EBF3: variants seen among roughly 807,000 people sequenced by gnomAD.
EBF3 encodes the protein transcription factor COE3.
In EBF3, 18 loss-of-function variants were observed where a neutral mutation model predicts 77.1. The observed-to-expected ratio is 0.23, with a 90% CI of 0.16 to 0.35. The LOEUF (loss-of-function observed/expected upper bound fraction) is 0.35. Ranked by LOEUF, EBF3 falls within the 10% of genes least tolerant of loss-of-function variation. The pLI is 1.00. For missense variants in EBF3, 558 were observed against 860.0 expected (o/e 0.65, Z 4.39); for synonymous variants, 350 against 343.5 (o/e 1.02, Z -0.21).
chr10:129,848,365 C>A lies in EBF3; in HGVS notation c.1128+27G>T. The A allele has an allele frequency of 6.2e-7, 1 of 1,605,298 alleles. No individual in the cohort carries two copies. Among genetic ancestry groups the A allele is most frequent in the African/African-American group, 1.3e-5 (1 of 74,846 alleles). On this transcript the variant is annotated intron_variant, in intron 11 of 16. Coordinates refer to ENST00000440978, the MANE Select transcript of EBF3 (RefSeq NM_001375380.1). This position sits in a 1 kb window ranked among gnomAD's most constrained non-coding sequence, Gnocchi z 4.4. ...AGCCCAGTGGCGGCCCCACCATGAGCGGGGTGCCACTTGCTCTTTTACTAA... is the reference window on the plus strand; with the variant it reads ...AGCCCAGTGGCGGCCCCACCATGAGAGGGGTGCCACTTGCTCTTTTACTAA...
chr10:129,954,166 C>G (rs1009961372), intron 6 of EBF3, among the ~76,000 whole-genome samples: 1 of 152,212 alleles, frequency 6.6e-6, no homozygotes, highest in Admixed American at 6.5e-5. Context: ...GCAGGTCACA[C>G]AATCTACCAT....
In EBF3 at chr10:129,840,950, T is replaced by C; in HGVS notation, c.1455A>G (p.Thr485=). 1 of 1,613,914 alleles carries C rather than the reference T, an allele frequency of 6.2e-7. No homozygotes were observed. Among genetic ancestry groups the C allele is most frequent in the Non-Finnish European group, 8.5e-7 (1 of 1,180,000 alleles). Residue 485 remains threonine, a synonymous_variant, in exon 14 of 17, where the codon ACA becomes ACG. Coordinates refer to ENST00000440978, the MANE Select transcript of EBF3 (RefSeq NM_001375380.1). ...CATATCCATTCATGCTAGTGCTGAC[T>C]GTGTTGTAATTGGACTGCTGGGGAG... is the stretch of plus-strand genomic sequence containing the variant. ...SSTPQQSNYN[T]VSTSMNGYGS...
intron 6 of EBF3, among the ~76,000 whole-genome samples, chr10:129,946,753 T>C (rs141726981): frequency 2.0e-4 from 30 of 152,348 alleles, no homozygotes; most frequent in East Asian, 7.7e-4. Context: ...GAGTCTATTT[T>C]TGAGCCACAC....
chr10:129,962,667 A>G (rs1859619099), intron 3 of EBF3, among the ~76,000 whole-genome samples: 1 of 152,010 alleles, frequency 6.6e-6, no homozygotes, highest in Non-Finnish European at 1.5e-5. Context: ...AATAATTAAC[A>G]TTAATTTGCA....
intron 6 of EBF3, among the ~76,000 whole-genome samples, chr10:129,917,651 C>CAA (rs71481019): frequency 0.075 from 1,765 of 23,554 alleles, 471 homozygotes; most frequent in East Asian, 0.24. Flanking sequence ...GACCCTGCCT[C>CAA]AAAAAAAAAA....
chr10:129,840,080 C>T (rs1196483955), intron 15 of EBF3, among the ~76,000 whole-genome samples, 165 bp downstream of exon 15: 1 of 152,272 alleles, frequency 6.6e-6, no homozygotes, highest in African/African-American at 2.4e-5. Context: ...GCACAGGGGT[C>T]CTCGCTGTGA....
At chr10:129,921,200 G>A (rs1446832572) in intron 6 of EBF3, among the ~76,000 whole-genome samples, 8 of 150,138 alleles carry the variant, frequency 5.3e-5, no homozygotes, top group South Asian at 2.2e-4. Context: ...GTGCTGGATC[G>A]CAGTGGGCAA....
At chr10:129,946,389 G>A (rs750393293) in intron 6 of EBF3, among the ~76,000 whole-genome samples, 102 of 152,336 alleles carry the variant, frequency 6.7e-4, no homozygotes, top group Admixed American at 1.3e-3. Flanking sequence ...GGGGTCTGAG[G>A]AAACATGAGC....
rs1382499418 is a variant in EBF3 at position 129,839,531 on chromosome 10, G to A, written c.1760-336C>T. ...GTGGACAGCTGTGCCCTCGGGGCCG[G>A]CCCTTCTCCCTCCTGATTCTTTGAA... On this transcript the variant is annotated intron_variant, in intron 15 of 16. Transcript: ENST00000440978. Among the ~76,000 whole-genome samples the A allele has an allele frequency of 5.3e-5, 8 of 152,194 alleles. No individual in the cohort carries two copies. In the South Asian group the frequency reaches 1.2e-3, roughly 24 times the overall value.
chr10:129,837,905 C>T lies in EBF3; in HGVS notation c.*38G>A, dbSNP rs755522729. The T allele has an allele frequency of 1.2e-6, 2 of 1,614,092 alleles. No individual in the cohort carries two copies. Among genetic ancestry groups the T allele is most frequent in the South Asian group, 2.2e-5 (2 of 91,078 alleles). On this transcript the variant is annotated 3_prime_UTR_variant, in exon 17 of 17. Coordinates refer to ENST00000440978, the MANE Select transcript of EBF3 (RefSeq NM_001375380.1). Reference sequence around the variant, plus strand: ...GAAGTCCGTCCTTTGATGCTGGGTGCTGCGGAAGGTAAACAGAAGTCCCTC... The same window carrying T: ...GAAGTCCGTCCTTTGATGCTGGGTGTTGCGGAAGGTAAACAGAAGTCCCTC...
rs976078553 is a variant in EBF3 at position 129,861,041 on chromosome 10, C to G, written c.1039+6100G>C. 1.3e-5 allele frequency among the ~76,000 whole-genome samples: 2 copies of G among 152,226 alleles called. No homozygotes were observed. Among genetic ancestry groups the G allele is most frequent in the Admixed American group, 1.3e-4 (2 of 15,288 alleles). ...CCTTGGAGACAGGAAAGAGAGGGGA[C>G]AGCAGTGACCCTGGAAGCCCTCCCG... On this transcript the variant is annotated intron_variant, in intron 10 of 16. Transcript: ENST00000440978. This position sits in a 1 kb window ranked among gnomAD's most constrained non-coding sequence, Gnocchi z 4.3.
chr10:129,959,638 C>T (rs944694444), intron 4 of EBF3, among the ~76,000 whole-genome samples: 8 of 151,962 alleles, frequency 5.3e-5, no homozygotes, highest in Admixed American at 5.2e-4. Flanking sequence ...CCGCGGGGAG[C>T]AGGCCGCCCT....
Position 129,963,237 on chromosome 10 carries a change from G to C in EBF3, c.291+130C>G. Reference sequence around the variant, plus strand: ...CCTCGGCGGTCCCGGGCGGCCGCACGTGGCGGCGGCGGGGTGGCCTGGCGG... The same window carrying C: ...CCTCGGCGGTCCCGGGCGGCCGCACCTGGCGGCGGCGGGGTGGCCTGGCGG... On this transcript the variant is annotated intron_variant, in intron 2 of 16. Coordinates refer to ENST00000440978, the MANE Select transcript of EBF3 (RefSeq NM_001375380.1). This position sits in a 1 kb window ranked among gnomAD's most constrained non-coding sequence, Gnocchi z 7.1. The C allele has an allele frequency of 7.5e-7, 1 of 1,335,386 alleles. No individual in the cohort carries two copies. Among genetic ancestry groups the C allele is most frequent in the Non-Finnish European group, 9.8e-7 (1 of 1,019,476 alleles). 82.7% of individuals were successfully genotyped at this position (1,335,386 alleles called of 1,614,324 possible).
rs1554892393 is a variant in EBF3 at position 129,841,044 on chromosome 10, C to CCCCA, written c.1373-13_1373-12insTGGG. ...GCGACTGTAGCCGACTGTTGAAATC[C>CCCCA]CCCCCCCGGCCAAAAATAACATTAT... On this transcript the variant is annotated splice_polypyrimidine_tract_variant and intron_variant, in intron 13 of 16. Transcript: ENST00000440978. The surrounding 1 kb of genome is among the most constrained non-coding windows in gnomAD (Gnocchi z 4.6). The CCCCA allele has an allele frequency of 1.9e-5, 30 of 1,599,384 alleles. No homozygotes were observed. The Admixed American group carries it at 3.9e-4, about 21-fold the overall frequency.
At chr10:129,886,033 ATT>A (rs59542647) in intron 6 of EBF3, among the ~76,000 whole-genome samples, 2,590 of 125,314 alleles carry the variant, frequency 0.021, 6 homozygotes, top group Non-Finnish European at 0.031. Flanking sequence ...TTTGGTTTTA[ATT>A]TTTTTTTTTT....
chr10:129,901,822 G>C (rs1300216559), intron 6 of EBF3, among the ~76,000 whole-genome samples: 1 of 152,188 alleles, frequency 6.6e-6, no homozygotes, highest in Non-Finnish European at 1.5e-5. Context: ...TCGTGGCGAG[G>C]GCTGCAACGC....
intron 10 of EBF3, among the ~76,000 whole-genome samples, chr10:129,853,428 T>C (rs1263523602): frequency 1.3e-5 from 2 of 152,228 alleles, no homozygotes; most frequent in East Asian, 3.8e-4. Flanking sequence ...ATAATGATCA[T>C]CTTCCTGTAG....
intron 16 of EBF3, 74 bp from the exon 17 acceptor site, chr10:129,838,034 G>T: frequency 6.3e-7 from 1 of 1,583,134 alleles, no homozygotes. Flanking sequence ...ACGCGGGCGG[G>T]GCTGCCCTTC....
rs1852323125 is a variant in EBF3, at chr10:129,870,388, G to A, written c.782-2476C>T. Among the ~76,000 whole-genome samples, 1 of 152,128 alleles carries A rather than the reference G, an allele frequency of 6.6e-6. No individual in the cohort carries two copies. The highest frequency in any genetic ancestry group is 1.5e-5 in the Non-Finnish European group (1 of 68,032). On this transcript the variant is annotated intron_variant, in intron 8 of 16. Coordinates refer to ENST00000440978, the MANE Select transcript of EBF3 (RefSeq NM_001375380.1). This position sits in a 1 kb window ranked among gnomAD's most constrained non-coding sequence, Gnocchi z 4.4. ...CAGAGGAGGAGCAGGGAAGCAGTGGGGACAGGGAGCCCCCACACTCCCCAT... is the reference window on the plus strand; with the variant it reads ...CAGAGGAGGAGCAGGGAAGCAGTGGAGACAGGGAGCCCCCACACTCCCCAT...
Sources: allele counts gnomAD v4.1 joint callset (sites outside exome capture counted in the v4.1 genomes callset), GRCh38; gene constraint gnomAD v4.1.1; non-coding constraint Gnocchi (gnomAD v3.1); transcripts MANE v1.5; gene names NCBI Gene and HGNC (gene_info 2026-07-23, HGNC 2026-07-21).